KRT78: variants seen among roughly 807,000 people sequenced by gnomAD.
KRT78 encodes keratin, type II cytoskeletal 78.
KRT78 carries 55 observed loss-of-function variants against 51.4 expected under a neutral mutation model. The ratio of observed to expected loss-of-function variants is 1.07; its 90% CI spans 0.86 to 1.34. The LOEUF (loss-of-function observed/expected upper bound fraction) is 1.34. Ranked by LOEUF, KRT78 falls within the 40% of genes most tolerant of loss-of-function variation. The pLI, the probability that KRT78 is intolerant of heterozygous loss-of-function variation, is 0.00. For missense variants in KRT78, 652 were observed against 649.4 expected (o/e 1.00, Z -0.04); for synonymous variants, 291 against 264.3 (o/e 1.10, Z -0.98).
intron 6 of KRT78, among the ~76,000 whole-genome samples, chr12:52,842,604 G>A (rs1940523271): frequency 6.6e-6 from 1 of 152,108 alleles, no homozygotes; most frequent in South Asian, 2.1e-4. Context: ...TGAGAAGTAA[G>A]AGTCAAAAGA....
rs899194599 is a variant in KRT78, at chr12:52,838,056, A to G, written c.*1057T>C. The G allele has an allele frequency of 1.3e-5, 2 of 152,180 alleles. No individual in the cohort carries two copies. The highest frequency in any genetic ancestry group is 2.9e-5 in the Non-Finnish European group (2 of 68,038). The allele number at this position is 152,180 out of a possible 1,614,324, so 9.4% of individuals were successfully genotyped here. ...ACACAAAGCTGAAAAGCCTTCTTGCATAATTTGGATGGAGCGATTCATGAA... is the reference window on the plus strand; with the variant it reads ...ACACAAAGCTGAAAAGCCTTCTTGCGTAATTTGGATGGAGCGATTCATGAA... On this transcript the variant is annotated 3_prime_UTR_variant, in exon 9 of 9. Coordinates refer to ENST00000304620, the MANE Select transcript of KRT78 (RefSeq NM_173352.4).
At chr12:52,842,957 G>A (rs1940536475) in intron 6 of KRT78, among the ~76,000 whole-genome samples, 1 of 94,190 alleles carries the variant, frequency 1.1e-5, no homozygotes, top group South Asian at 3.4e-4. Context: ...GAGAGAGAGA[G>A]AGAGGAAGGA....
chr12:52,840,460 T>C (rs1314696491), intron 6 of KRT78, among the ~76,000 whole-genome samples: 2 of 151,878 alleles, frequency 1.3e-5, no homozygotes, highest in Non-Finnish European at 2.9e-5. Context: ...CCTAGCACTT[T>C]AGGAGGCTGA....
Position 52,848,731 on chromosome 12 carries a change from C to T in KRT78, c.200G>A (p.Gly67Glu), listed in dbSNP as rs143337159. 296 of 1,612,368 alleles carry T rather than the reference C, an allele frequency of 1.8e-4. No homozygotes were observed. Among genetic ancestry groups the T allele is most frequent in the Admixed American group, 4.2e-4 (25 of 59,836 alleles). ...GAGCCCAGGCCCACCACTCCACTCC[C>T]CAAACCGCACCCCCAGCCTACCCCC... Reference protein sequence around the residue: ...GSGGRLGVRFGEWSGGPGLSL... With the variant: ...GSGGRLGVRFEEWSGGPGLSL... The change falls in exon 1 of 9, where the codon GGG (glycine) becomes GAG (glutamate). Residue 67 changes from glycine to glutamate, a missense_variant. Coordinates refer to ENST00000304620, the MANE Select transcript of KRT78 (RefSeq NM_173352.4).
Position 52,838,890 on chromosome 12 carries a change from A to C in KRT78, c.*223T>G. 1 of 594,286 alleles carries C rather than the reference A, an allele frequency of 1.7e-6. No homozygotes were observed. Among genetic ancestry groups the C allele is most frequent in the South Asian group, 2.1e-5 (1 of 48,522 alleles). The allele number at this position is 594,286 out of a possible 1,614,324, so 36.8% of individuals were successfully genotyped here. A position where few individuals can be genotyped will look rare whatever the true frequency, so the allele number is the denominator to read the frequency against. On this transcript the variant is annotated 3_prime_UTR_variant, in exon 9 of 9. Transcript: ENST00000304620. The stretch of plus-strand genomic sequence containing the variant: ...ACAGATATGCCACAATTGCCTTCCG[A>C]GGAGAGGAAGCTGGGGAGCCACACA...
rs140660736 is a variant in KRT78 at position 52,839,833 on chromosome 12, G to A, written c.1199C>T (p.Thr400Met). The change falls in exon 7 of 9, where the codon ACG becomes ATG. Residue 400 changes from threonine to methionine, a missense_variant. Coordinates refer to ENST00000304620, the MANE Select transcript of KRT78 (RefSeq NM_173352.4). ...CACATCCAGGGAAAGCTTCGTGCTC[G>A]TCAGCTCCTGGTACTCGCACAGCAG... ...ARLLCEYQEL[T>M]STKLSLDVEI... 2.8e-5 allele frequency: 45 copies of A among 1,613,870 alleles called. No individual in the cohort carries two copies. Among genetic ancestry groups the A allele is most frequent in the African/African-American group, 2.0e-4 (15 of 74,830 alleles).
chr12:52,846,264 A>G lies in KRT78; in HGVS notation c.689T>C (p.Met230Thr), dbSNP rs945173889. Residue 230 changes from methionine to threonine, a missense_variant, in exon 4 of 9, where the codon ATG becomes ACG. By Grantham distance (81) the Met-to-Thr change is moderately conservative. Coordinates refer to ENST00000304620, the MANE Select transcript of KRT78 (RefSeq NM_173352.4). The part of the protein sequence containing the change: ...KDVDGVFLSK[M>T]ELEGKLEALR... ...AGCCTCCAGCTTGCCCTCCAACTCC[A>G]TCTTGCTCAGGAAAACCCCATCCAC... The G allele has an allele frequency of 3.1e-6, 5 of 1,613,706 alleles. No homozygotes were observed. Among genetic ancestry groups the G allele is most frequent in the Admixed American group, 3.3e-5 (2 of 60,008 alleles).
In KRT78 at chr12:52,840,632, G is replaced by A. The variant is rs532557363; in HGVS notation, c.1048-648C>T. Among the ~76,000 whole-genome samples, 187 of 152,206 alleles carry A rather than the reference G, an allele frequency of 1.2e-3. 1 individual carries two copies. The highest frequency in any genetic ancestry group is 4.4e-3 in the African/African-American group (182 of 41,524). On this transcript the variant is annotated intron_variant, in intron 6 of 8. Transcript: ENST00000304620. ...TGAGGCAGGAGAATTGCTTGAACCC[G>A]GGAGGTGGAGGTTGCAGTGAGCCAA...
intron 2 of KRT78, 152 bp downstream of exon 2, chr12:52,847,755 G>A (rs746976408): frequency 1.7e-5 from 11 of 645,688 alleles, no homozygotes; most frequent in Non-Finnish European, 2.7e-5. Context: ...GGGCACCTGA[G>A]AGCCTGGGGA....
rs764533712 is a variant in KRT78, at chr12:52,846,242, C to T, written c.711G>A (p.Glu237=). 13 of 1,613,932 alleles carry T rather than the reference C, an allele frequency of 8.1e-6. No individual in the cohort carries two copies. The highest frequency in any genetic ancestry group is 1.7e-6 in the Non-Finnish European group (2 of 1,179,982). The change falls in exon 4 of 9, where the codon GAG becomes GAA. Residue 237 remains glutamate, a synonymous_variant. Coordinates refer to ENST00000304620, the MANE Select transcript of KRT78 (RefSeq NM_173352.4). ...LSKMELEGKL[E]ALREYLYFLK... is the part of the protein sequence containing the mutation. ...AGAAGTAGAGGTACTCTCTCAGAGC[C>T]TCCAGCTTGCCCTCCAACTCCATCT...
chr12:52,841,299 C>G (rs1485790469), intron 6 of KRT78, among the ~76,000 whole-genome samples: 1 of 151,040 alleles, frequency 6.6e-6, no homozygotes, highest in Non-Finnish European at 1.5e-5. Flanking sequence ...CTGGCTAATA[C>G]GGCGAAACCC....
intron 4 of KRT78, among the ~76,000 whole-genome samples, chr12:52,845,261 C>A (rs1165190505): frequency 6.6e-6 from 1 of 152,144 alleles, no homozygotes; most frequent in Non-Finnish European, 1.5e-5. Flanking sequence ...CTGCCTCAGC[C>A]TCCCAAAGTG....
chr12:52,841,300 G>A (rs554876812), intron 6 of KRT78, among the ~76,000 whole-genome samples: 66 of 151,256 alleles, frequency 4.4e-4, no homozygotes, highest in Non-Finnish European at 3.5e-4. Context: ...TGGCTAATAC[G>A]GCGAAACCCT....
rs114330586 is a variant in KRT78 at position 52,839,338 on chromosome 12, T to A, written c.1338A>T (p.Gly446=). 1.3e-4 allele frequency: 211 copies of A among 1,613,296 alleles called. 1 individual carries two copies. The African/African-American group carries it at 2.6e-3, about 20-fold the overall frequency. ...AAGTGCTCCCCAAGCCTCCACCAACTCCTCCAGACATGACAGCGCTGCCTC... is the reference window on the plus strand; with the variant it reads ...AAGTGCTCCCCAAGCCTCCACCAACACCTCCAGACATGACAGCGCTGCCTC... ...SVGGSAVMSG[G]VGGGLGSTCG... Residue 446 remains glycine, a synonymous_variant, in exon 9 of 9, where the codon GGA becomes GGT. Transcript: ENST00000304620.
intron 3 of KRT78, 144 bp downstream of exon 3, chr12:52,846,620 C>T: frequency 2.6e-6 from 2 of 775,608 alleles, no homozygotes; most frequent in East Asian, 2.7e-5. Context: ...AGGCAGATGT[C>T]CCATTTTCCC....
chr12:52,847,049 T>A (rs565312530), intron 2 of KRT78, among the ~76,000 whole-genome samples: 1 of 152,350 alleles, frequency 6.6e-6, no homozygotes, highest in East Asian at 1.9e-4. Context: ...TTTCAGTTTA[T>A]AAGGCACATT....
chr12:52,840,245 A>G (rs1940461719), intron 6 of KRT78, among the ~76,000 whole-genome samples: 1 of 152,200 alleles, frequency 6.6e-6, no homozygotes, highest in South Asian at 2.1e-4. Flanking sequence ...CCAGAACCCC[A>G]GAATGTGATC....
In KRT78 at chr12:52,839,972, G is replaced by A. The variant is rs761232436; in HGVS notation, c.1060C>T (p.Gln354Ter). The change falls in exon 7 of 9, where the codon CAG (glutamine) becomes TAG (stop). Residue 354 changes from glutamine to a stop codon, truncating the protein, a stop_gained. Coordinates refer to ENST00000304620, the MANE Select transcript of KRT78 (RefSeq NM_173352.4). LOFTEE classifies it high-confidence loss of function. ...TGCTCAGCATCAGTGATGGCGGCCT[G>A]CAGGCTGGCGTTCTGGAAGCGGGGT... The part of the protein sequence containing the change: ...ENLKKQNASL[Q>*]AAITDAEQRG... 1.8e-5 allele frequency: 29 copies of A among 1,612,676 alleles called. No individual in the cohort carries two copies. Among genetic ancestry groups the A allele is most frequent in the Non-Finnish European group, 2.4e-5 (28 of 1,178,966 alleles).
In KRT78 at chr12:52,846,264, A is replaced by T; in HGVS notation, c.689T>A (p.Met230Lys). 1 of 1,613,706 alleles carries T rather than the reference A, an allele frequency of 6.2e-7. No individual in the cohort carries two copies. The highest frequency in any genetic ancestry group is 8.5e-7 in the Non-Finnish European group (1 of 1,179,718). Residue 230 changes from methionine to lysine, a missense_variant, in exon 4 of 9, where the codon ATG becomes AAG. By Grantham distance (95) the Met-to-Lys change is moderately conservative. Coordinates refer to ENST00000304620, the MANE Select transcript of KRT78 (RefSeq NM_173352.4). ...AGCCTCCAGCTTGCCCTCCAACTCC[A>T]TCTTGCTCAGGAAAACCCCATCCAC... Reference protein sequence around the residue: ...KDVDGVFLSKMELEGKLEALR... With the variant: ...KDVDGVFLSKKELEGKLEALR...
Sources: gnomAD v4.1 joint callset for allele counts (sites outside exome capture counted in the v4.1 genomes callset) on GRCh38, gnomAD v4.1.1 for gene constraint, MANE v1.5 for transcripts, NCBI Gene and HGNC (gene_info 2026-07-23, HGNC 2026-07-21) for gene names.